Variants in CUX2 observed in about 807,000 individuals in gnomAD.
CUX2 encodes the protein homeobox protein cut-like 2.
Under a neutral mutation model 144.8 loss-of-function variants are expected in CUX2, and 40 were observed. The observed-to-expected ratio is 0.28, with a 90% CI of 0.21 to 0.36. The LOEUF (loss-of-function observed/expected upper bound fraction) is 0.36, where lower values mean the gene tolerates loss of function less well. CUX2 is among the 10% of genes least tolerant of loss of function. The probability of loss-of-function intolerance (pLI) is 1.00; values close to 1 mark genes in which losing one functional copy is unlikely to be tolerated. For synonymous variants in CUX2, 827 were observed against 875.6 expected, an observed-to-expected ratio of 0.94 and a Z score of 0.98; for missense variants, 1,615 against 1,994.0, an observed-to-expected ratio of 0.81 and a Z score of 3.62.
At chr12:111,152,008 G>A (rs1304840693) in intron 1 of CUX2, among the ~76,000 whole-genome samples, 2 of 152,166 alleles carry the variant, frequency 1.3e-5, no homozygotes, top group African/African-American at 2.4e-5. Context: ...ACTCAAGGCC[G>A]GTGCGATGGC....
At position 111,287,737 on chromosome 12, in the gene CUX2, C is replaced by T. The variant is rs1885464048; in HGVS notation, c.302-3681C>T. The stretch of plus-strand genomic sequence containing the variant: ...CGCCTTCCCGCGCACCTGCTTACCT[C>T]GGCATGGACGCCCATTGTCCAAGCC... On this transcript the variant is annotated intron_variant, in intron 4 of 21. Coordinates refer to ENST00000261726, the MANE Select transcript of CUX2 (RefSeq NM_015267.4). The surrounding 1 kb of genome is among the most constrained non-coding windows in gnomAD (Gnocchi z 4.2). 2.0e-5 allele frequency among the ~76,000 whole-genome samples: 3 copies of T among 152,386 alleles called. No individual in the cohort carries two copies. Among genetic ancestry groups the T allele is most frequent in the Admixed American group, 2.0e-4 (3 of 15,314 alleles).
At chr12:111,345,391 C>T (rs1395397076) in intron 21 of CUX2, among the ~76,000 whole-genome samples, 2 of 144,176 alleles carry the variant, frequency 1.4e-5, no homozygotes, top group African/African-American at 5.2e-5. Flanking sequence ...TGCAGTGAGC[C>T]GAGATCGTGC....
intron 1 of CUX2, among the ~76,000 whole-genome samples, chr12:111,167,872 T>C (rs1878256224): frequency 6.6e-6 from 1 of 152,080 alleles, no homozygotes; most frequent in South Asian, 2.1e-4. Flanking sequence ...TTTTTGTATT[T>C]TTGTAGAGAA....
intron 1 of CUX2, among the ~76,000 whole-genome samples, chr12:111,139,122 G>A (rs1016917656): frequency 1.3e-5 from 2 of 152,022 alleles, no homozygotes; most frequent in African/African-American, 4.8e-5. Flanking sequence ...AACTCCCTGA[G>A]CCTCAGGGAC....
At position 111,295,751 on chromosome 12, in the gene CUX2, CTAATTAATTAAT is replaced by C. The variant is rs34368745; in HGVS notation, c.637+360_637+371del. On this transcript the variant is annotated intron_variant, in intron 7 of 21. Coordinates refer to ENST00000261726, the MANE Select transcript of CUX2 (RefSeq NM_015267.4). This position sits in a 1 kb window ranked among gnomAD's most constrained non-coding sequence, Gnocchi z 5.0. ...TGGGCAACATGGCAAGACCCTGTCT[CTAATTAATTAAT>C]TAATTAATTAATTAATTTAATACAA... 5.4e-5 allele frequency among the ~76,000 whole-genome samples: 8 copies of C among 147,338 alleles called. No homozygotes were observed. The East Asian group carries it at 1.7e-3, about 31-fold the overall frequency.
intron 21 of CUX2, among the ~76,000 whole-genome samples, chr12:111,342,641 T>C (rs58638763): frequency 3.7e-4 from 56 of 151,928 alleles, no homozygotes; most frequent in African/African-American, 1.3e-3. Context: ...GAGGATTTGA[T>C]AGACTAACAT....
rs1415619689 is a variant in CUX2, at chr12:111,242,876, CTGG to C, written c.223-20882_223-20880del. On this transcript the variant is annotated intron_variant, in intron 3 of 21. Transcript: ENST00000261726. ...CTAGTCCCCCACCCCATGACAGGCC[CTGG>C]TGTGTGATGTTCCCTTCCCTGTGTC... is the stretch of plus-strand genomic sequence containing the variant. Among the ~76,000 whole-genome samples the C allele has an allele frequency of 3.9e-5, 6 of 152,286 alleles. No homozygotes were observed. In the East Asian group the frequency reaches 1.2e-3, roughly 29 times the overall value.
At chr12:111,182,231 G>A (rs112782459) in intron 1 of CUX2, among the ~76,000 whole-genome samples, 1,630 of 152,258 alleles carry the variant, frequency 0.011, 39 homozygotes, top group African/African-American at 0.037. Flanking sequence ...CTAGGGCCCC[G>A]GGGAGGTTAT....
At chr12:111,038,210 A>C (rs1869553967) in intron 1 of CUX2, among the ~76,000 whole-genome samples, 1 of 152,282 alleles carries the variant, frequency 6.6e-6, no homozygotes, top group Non-Finnish European at 1.5e-5. Context: ...TAAATTTTAC[A>C]TATCAGCCAC....
chr12:111,058,549 CAG>C (rs141718995), intron 1 of CUX2, among the ~76,000 whole-genome samples: 138 of 147,506 alleles, frequency 9.4e-4, no homozygotes, highest in Non-Finnish European at 1.0e-3. Context: ...GAGAGAGAGA[CAG>C]AGAGAGAGAG....
chr12:111,220,488 A>T (rs1442490067), intron 3 of CUX2, among the ~76,000 whole-genome samples: 4 of 152,150 alleles, frequency 2.6e-5, no homozygotes, highest in African/African-American at 4.8e-5. Context: ...TAGAAAATAC[A>T]TGCAAATCTG....
intron 18 of CUX2, among the ~76,000 whole-genome samples, chr12:111,331,716 G>A (rs564248785): frequency 2.9e-4 from 44 of 152,254 alleles, no homozygotes; most frequent in African/African-American, 9.9e-4. Flanking sequence ...TCATCCACCC[G>A]AGATCACAAG....
chr12:111,045,896 A>G (rs1277443487), intron 1 of CUX2, among the ~76,000 whole-genome samples: 1 of 152,228 alleles, frequency 6.6e-6, no homozygotes, highest in South Asian at 2.1e-4. Flanking sequence ...ATTCCCCAGT[A>G]AACAGGAGTG....
intron 3 of CUX2, among the ~76,000 whole-genome samples, chr12:111,248,617 G>C (rs61006869): frequency 3.9e-4 from 59 of 152,136 alleles, no homozygotes; most frequent in Non-Finnish European, 5.3e-4. Context: ...TTTCAAGGAG[G>C]GGGGTGAAGC....
intron 1 of CUX2, among the ~76,000 whole-genome samples, chr12:111,080,026 C>A (rs1269423159): frequency 6.6e-6 from 1 of 152,214 alleles, no homozygotes; most frequent in African/African-American, 2.4e-5. Flanking sequence ...CAAGTCACTT[C>A]TGTTCTCTGG....
At chr12:111,046,945 C>T (rs980048573) in intron 1 of CUX2, among the ~76,000 whole-genome samples, 2 of 152,254 alleles carry the variant, frequency 1.3e-5, no homozygotes, top group Non-Finnish European at 2.9e-5. Context: ...GCGTGAGCCA[C>T]CACGCCCGGC....
At chr12:111,297,307 CCAGACATGTCTCTTCCCTCTGACCTCT>C (rs1161546704) in intron 8 of CUX2, among the ~76,000 whole-genome samples, 1 of 152,240 alleles carries the variant, frequency 6.6e-6, no homozygotes, top group Non-Finnish European at 1.5e-5. Flanking sequence ...CTCTGTCCCT[CCAGACATGTCTCTTCCCTCTGACCTCT>C]CAGACATGCC....
intron 4 of CUX2, among the ~76,000 whole-genome samples, chr12:111,282,182 C>T (rs1885144249): frequency 1.3e-5 from 2 of 151,508 alleles, no homozygotes; most frequent in Non-Finnish European, 2.9e-5. Flanking sequence ...ATTAGCTGGG[C>T]GAGGTGGTGG....
intron 1 of CUX2, among the ~76,000 whole-genome samples, chr12:111,087,366 C>CAAAAA (rs1159500448): frequency 2.0e-3 from 89 of 44,940 alleles, no homozygotes; most frequent in East Asian, 3.7e-3. Flanking sequence ...GACTCCATCT[C>CAAAAA]AAAAAAAAAA....
Sources: gnomAD v4.1 joint callset for allele counts (sites outside exome capture counted in the v4.1 genomes callset) on GRCh38, gnomAD v4.1.1 for gene constraint, Gnocchi (gnomAD v3.1) non-coding constraint, MANE v1.5 for transcripts, NCBI Gene and HGNC (gene_info 2026-07-23, HGNC 2026-07-21) for gene names.